N4BP2L2: variants seen among roughly 807,000 people sequenced by gnomAD.
N4BP2L2 encodes the protein NEDD4 binding protein 2 like 2.
Under a neutral mutation model 56.2 loss-of-function variants are expected in N4BP2L2, and 50 were observed. That is an observed-to-expected ratio of 0.89 (90% confidence interval 0.71 to 1.13). The LOEUF is 1.13. N4BP2L2 is among the 50% of genes most tolerant of loss of function. The pLI, the probability that N4BP2L2 is intolerant of heterozygous loss-of-function variation, is 0.00. For missense variants in N4BP2L2, 689 were observed against 693.8 expected (o/e 0.99, Z 0.08); for synonymous variants, 203 against 223.6 (o/e 0.91, Z 0.82).
At chr13:32,479,004 G>A (rs35084385) in intron 6 of N4BP2L2, among the ~76,000 whole-genome samples, 16 of 151,810 alleles carry the variant, frequency 1.1e-4, no homozygotes, top group East Asian at 2.0e-4. Context: ...GAATGATGGC[G>A]GGTGCCTATA....
intron 5 of N4BP2L2, among the ~76,000 whole-genome samples, chr13:32,520,297 G>A (rs76699677): frequency 0.058 from 8,730 of 151,416 alleles, 849 homozygotes; most frequent in African/African-American, 0.2. Flanking sequence ...GAATTTTATC[G>A]CAATAAAGTT....
chr13:32,497,414 C>T (rs2088963590), intron 6 of N4BP2L2, among the ~76,000 whole-genome samples: 1 of 152,184 alleles, frequency 6.6e-6, no homozygotes, highest in South Asian at 2.1e-4. Context: ...TAACTGATAA[C>T]CTGGACAGCT....
At chr13:32,434,831 A>T (rs1167211771) in intron 9 of N4BP2L2, among the ~76,000 whole-genome samples, 4 of 152,226 alleles carry the variant, frequency 2.6e-5, no homozygotes, top group African/African-American at 7.2e-5. Flanking sequence ...AAAAAGAAAA[A>T]AATAATAATT....
chr13:32,446,492 C>T (rs1191090667), intron 6 of N4BP2L2: 1 of 1,313,618 alleles, frequency 7.6e-7, no homozygotes, highest in Non-Finnish European at 1.0e-6. Context: ...TGTTGCAGGG[C>T]AAGGAGAAAA....
intron 6 of N4BP2L2, among the ~76,000 whole-genome samples, chr13:32,463,918 C>CAAAAAAAAAAA (rs58685358): frequency 4.7e-5 from 3 of 64,152 alleles, no homozygotes; most frequent in African/African-American, 1.8e-4. Context: ...TGCCCATGAC[C>CAAAAAAAAAAA]AAAAAAAAAA....
Position 32,443,882 on chromosome 13 carries a change from CA to C in N4BP2L2, c.609del (p.Phe203LeufsTer2). 1 of 1,568,268 alleles carries C rather than the reference CA, an allele frequency of 6.4e-7. No homozygotes were observed. Among genetic ancestry groups the C allele is most frequent in the Non-Finnish European group, 8.6e-7 (1 of 1,158,796 alleles). On this transcript the variant is annotated frameshift_variant, in exon 7 of 10. Transcript: ENST00000357505. LOFTEE classifies it high-confidence loss of function. The stretch of plus-strand genomic sequence containing the variant: ...CATCTTTTTTCTTTATATCCAGTCA[CA>C]AAATCTCCGACTTCATTTTGTAGAC...
At chr13:32,451,465 TAAC>T (rs2078003090) in intron 6 of N4BP2L2, among the ~76,000 whole-genome samples, 1 of 152,092 alleles carries the variant, frequency 6.6e-6, no homozygotes, top group African/African-American at 2.4e-5. Context: ...AATAACTTTA[TAAC>T]AACAAATTTG....
chr13:32,520,357 TAAA>T, intron 5 of N4BP2L2, among the ~76,000 whole-genome samples: 1 of 137,554 alleles, frequency 7.3e-6, no homozygotes, highest in Non-Finnish European at 1.6e-5. Context: ...CGATAAAAGT[TAAA>T]AAAAAAAAAA....
chr13:32,500,500 C>T (rs1171569280), intron 6 of N4BP2L2, among the ~76,000 whole-genome samples: 1 of 141,708 alleles, frequency 7.1e-6, no homozygotes, highest in East Asian at 2.1e-4. Context: ...GGGAGGATCA[C>T]TTGAAGCCAG....
chr13:32,537,550 G>A (rs1844727011), intron 1 of N4BP2L2, among the ~76,000 whole-genome samples: 1 of 152,040 alleles, frequency 6.6e-6, no homozygotes, highest in Admixed American at 6.6e-5. Flanking sequence ...AATCTCCTTA[G>A]CATCCAAATG....
exon 7 of N4BP2L2, chr13:32,443,051 C>T: frequency 1.2e-6 from 2 of 1,607,402 alleles, no homozygotes; most frequent in Non-Finnish European, 1.7e-6. Flanking sequence ...AAATTTGGTA[C>T]CAAATTGAAA....
chr13:32,502,600 A>G (rs945596965), intron 6 of N4BP2L2, among the ~76,000 whole-genome samples: 2 of 152,238 alleles, frequency 1.3e-5, no homozygotes, highest in Non-Finnish European at 2.9e-5. Context: ...TAATCATTTA[A>G]TTATGAGGAA....
At chr13:32,522,504 T>A (rs2051270204) in intron 3 of N4BP2L2, 2 of 302,512 alleles carry the variant, frequency 6.6e-6, no homozygotes, top group African/African-American at 4.3e-5. Flanking sequence ...ACAAACTGGC[T>A]CTGAAAGGCA....
At chr13:32,533,192 T>C (rs1385002342) in intron 2 of N4BP2L2, among the ~76,000 whole-genome samples, 1 of 152,192 alleles carries the variant, frequency 6.6e-6, no homozygotes, top group Admixed American at 6.5e-5. Context: ...CTCAAATTCA[T>C]ACAAAAATTC....
At chr13:32,518,113 AC>A (rs1158853021) in intron 5 of N4BP2L2, 110 bp from the exon 6 acceptor site, 4 of 991,798 alleles carry the variant, frequency 4.0e-6, no homozygotes, top group Non-Finnish European at 5.7e-6. Context: ...TTGTAAATAA[AC>A]AATATATATT....
intron 6 of N4BP2L2, among the ~76,000 whole-genome samples, chr13:32,500,762 CAG>C (rs2089844250): frequency 6.6e-6 from 1 of 150,954 alleles, no homozygotes; most frequent in Admixed American, 6.6e-5. Flanking sequence ...AAAAATGTAA[CAG>C]TATCTTAAAA....
At chr13:32,511,814 A>G (rs1285615417) in exon 6 of N4BP2L2, 1 of 152,168 alleles carries the variant, frequency 6.6e-6, no homozygotes, top group Non-Finnish European at 1.5e-5. Context: ...AGAAAAGACT[A>G]TGAAAGAAAA....
intron 6 of N4BP2L2, among the ~76,000 whole-genome samples, chr13:32,464,247 C>G (rs944449362): frequency 2.0e-5 from 3 of 152,132 alleles, no homozygotes; most frequent in Non-Finnish European, 4.4e-5. Context: ...GTAATTGAAA[C>G]TAAGTTGGTA....
intron 2 of N4BP2L2, among the ~76,000 whole-genome samples, chr13:32,533,334 G>GTC (rs112953202): frequency 0.057 from 8,633 of 151,724 alleles, 829 homozygotes; most frequent in African/African-American, 0.2. Context: ...ATGGCCTACT[G>GTC]TCTCTCTCTC....
Sources: allele counts gnomAD v4.1 joint callset (sites outside exome capture counted in the v4.1 genomes callset), GRCh38; gene constraint gnomAD v4.1.1; transcripts MANE v1.5; gene names NCBI Gene and HGNC (gene_info 2026-07-23, HGNC 2026-07-21).